The following TASP1 variants were observed in gnomAD, a reference collection of about 807,000 sequenced individuals.
TASP1 encodes the protein threonine aspartase 1.
In TASP1, 16 loss-of-function variants were observed where a neutral mutation model predicts 56.6. The ratio of observed to expected loss-of-function variants is 0.28; its 90% confidence interval spans 0.19 to 0.43. The LOEUF (loss-of-function observed/expected upper bound fraction) is 0.43, where lower values mean the gene tolerates loss of function less well. Among genes scored for constraint, TASP1 ranks in the 20% least tolerant of loss-of-function variants. The probability of loss-of-function intolerance (pLI) is 1.00; values close to 1 mark genes in which losing one functional copy is unlikely to be tolerated. For missense variants in TASP1, 393 were observed against 511.6 expected, an observed-to-expected ratio of 0.77 and a Z score of 2.24; for synonymous variants, 179 against 184.2, an observed-to-expected ratio of 0.97 and a Z score of 0.23.
the TASP1 span, among the ~76,000 whole-genome samples, chr20:13,381,421 C>G: frequency 6.6e-6 from 1 of 152,224 alleles, no homozygotes; most frequent in Non-Finnish European, 1.5e-5. Flanking sequence ...TAACCAGTCC[C>G]AATGAGATAA....
At chr20:13,296,589 T>G in the TASP1 span, among the ~76,000 whole-genome samples, 1 of 152,110 alleles carries the variant, frequency 6.6e-6, no homozygotes, top group Non-Finnish European at 1.5e-5. Context: ...GATAGTAGAT[T>G]GGAGAATGCT....
chr20:13,207,749 T>C, the TASP1 span, among the ~76,000 whole-genome samples: 1 of 152,214 alleles, frequency 6.6e-6, no homozygotes, highest in Admixed American at 6.5e-5. Context: ...AGTCCACCAA[T>C]TCAAATGCTA....
chr20:13,548,338 T>A (rs2045875774), intron 8 of TASP1, among the ~76,000 whole-genome samples: 1 of 151,850 alleles, frequency 6.6e-6, no homozygotes, highest in South Asian at 2.1e-4. Flanking sequence ...GGAGAGTGAG[T>A]GGAGCATGAT....
the TASP1 span, among the ~76,000 whole-genome samples, chr20:13,263,557 C>T: frequency 6.6e-6 from 1 of 152,194 alleles, no homozygotes; most frequent in African/African-American, 2.4e-5. Context: ...AAAACTTTTG[C>T]TCTTCCCTTT....
chr20:13,425,065 A>G (rs2042573943), intron 12 of TASP1, among the ~76,000 whole-genome samples: 2 of 152,196 alleles, frequency 1.3e-5, no homozygotes, highest in African/African-American at 4.8e-5. Context: ...TTCAGGATGT[A>G]TTTGTACTTA....
intron 13 of TASP1, among the ~76,000 whole-genome samples, chr20:13,401,494 C>A (rs2041736236): frequency 1.3e-5 from 2 of 152,090 alleles, no homozygotes; most frequent in Admixed American, 6.6e-5. Context: ...CTAGTAGATT[C>A]CACATCTGTA....
chr20:13,594,019 G>C (rs1465549716), intron 4 of TASP1, among the ~76,000 whole-genome samples: 1 of 152,328 alleles, frequency 6.6e-6, no homozygotes, highest in South Asian at 2.1e-4. Context: ...GGATCAGGTA[G>C]CAATATTTGC....
intron 4 of TASP1, among the ~76,000 whole-genome samples, chr20:13,589,368 G>A (rs574016472): frequency 6.6e-6 from 1 of 152,138 alleles, no homozygotes; most frequent in Non-Finnish European, 1.5e-5. Context: ...AGAAGGTATA[G>A]TCTTTTCAAT....
At chr20:13,399,657 G>A (rs2041665113) in intron 13 of TASP1, among the ~76,000 whole-genome samples, 1 of 151,990 alleles carries the variant, frequency 6.6e-6, no homozygotes, top group South Asian at 2.1e-4. Context: ...TCTAGTCCAA[G>A]TCATTATTAT....
At chr20:13,315,162 T>C in the TASP1 span, among the ~76,000 whole-genome samples, 1 of 151,768 alleles carries the variant, frequency 6.6e-6, no homozygotes, top group East Asian at 1.9e-4. Flanking sequence ...AAATAAAAAA[T>C]AGTAATAAAT....
intron 5 of TASP1, among the ~76,000 whole-genome samples, chr20:13,582,473 A>T (rs2047162008): frequency 6.6e-6 from 1 of 152,080 alleles, no homozygotes; most frequent in Non-Finnish European, 1.5e-5. Context: ...AATGATTTCC[A>T]GGATACATAA....
At chr20:13,123,084 A>T in the TASP1 span, among the ~76,000 whole-genome samples, 1,035 of 152,258 alleles carry the variant, frequency 6.8e-3, 15 homozygotes, top group African/African-American at 0.023. Context: ...TAATCACAGC[A>T]CTTTGGGAGG....
chr20:13,204,037 T>C, the TASP1 span, among the ~76,000 whole-genome samples: 1 of 152,242 alleles, frequency 6.6e-6, no homozygotes, highest in Non-Finnish European at 1.5e-5. Flanking sequence ...TCGCATAAAA[T>C]GTAGTAATGT....
At chr20:13,452,638 T>G (rs1021120330) in intron 11 of TASP1, among the ~76,000 whole-genome samples, 1 of 151,788 alleles carries the variant, frequency 6.6e-6, no homozygotes, top group Non-Finnish European at 1.5e-5. Context: ...GTCTGACACA[T>G]AGTAGGTGAT....
At chr20:13,164,929 A>G in the TASP1 span, 1 of 1,379,882 alleles carries the variant, frequency 7.2e-7, no homozygotes. Context: ...CTTGCCTCAC[A>G]AGGAATATAA....
At chr20:13,431,193 T>C (rs1253271345) in intron 12 of TASP1, among the ~76,000 whole-genome samples, 1 of 152,162 alleles carries the variant, frequency 6.6e-6, no homozygotes, top group Non-Finnish European at 1.5e-5. Context: ...TGAGCTTTCC[T>C]CGTTACTAGA....
the TASP1 span, among the ~76,000 whole-genome samples, chr20:13,233,024 C>CAAA: frequency 4.2e-5 from 6 of 142,226 alleles, no homozygotes; most frequent in African/African-American, 1.3e-4. Flanking sequence ...GATGCTGGAC[C>CAAA]AAAAAAAAAA....
chr20:13,464,112 T>C (rs528755736), intron 11 of TASP1, among the ~76,000 whole-genome samples: 1 of 152,274 alleles, frequency 6.6e-6, no homozygotes, highest in African/African-American at 2.4e-5. Context: ...ACAGGCTAAA[T>C]TGTATCTCCT....
chr20:13,246,361 A>T, the TASP1 span, among the ~76,000 whole-genome samples: 2 of 151,768 alleles, frequency 1.3e-5, no homozygotes, highest in African/African-American at 4.8e-5. Flanking sequence ...CCACTGAGTG[A>T]ATATTGCATT....
Sources: allele counts gnomAD v4.1 joint callset (sites outside exome capture counted in the v4.1 genomes callset), GRCh38; gene constraint gnomAD v4.1.1; transcripts MANE v1.5; gene names NCBI Gene and HGNC (gene_info 2026-07-23, HGNC 2026-07-21).